Variants in DLX5 observed in about 807,000 individuals in gnomAD.
DLX5 encodes the protein homeobox protein DLX-5.
Under a neutral mutation model 27.1 loss-of-function variants are expected in DLX5, and 8 were observed. The ratio of observed to expected loss-of-function variants is 0.30; its 90% confidence interval spans 0.17 to 0.53. The LOEUF is 0.53. Among genes scored for constraint, DLX5 ranks in the 20% least tolerant of loss-of-function variants. The pLI is 0.95. For missense variants in DLX5, 339 were observed against 375.1 expected (o/e 0.90, Z 0.80); for synonymous variants, 178 against 161.9 (o/e 1.10, Z -0.75).
chr7:97,020,643 C>G lies in DLX5; in HGVS notation c.*93G>C, dbSNP rs2115902354. The G allele has an allele frequency of 7.9e-7, 1 of 1,269,884 alleles. No homozygotes were observed. Among genetic ancestry groups the G allele is most frequent in the Non-Finnish European group, 1.1e-6 (1 of 949,650 alleles). The allele number at this position is 1,269,884 out of a possible 1,614,324, so 78.7% of individuals were successfully genotyped here. On this transcript the variant is annotated 3_prime_UTR_variant, in exon 3 of 3. Transcript: ENST00000648378. ...TTACACATGAATCTTTTTCAGTTTT[C>G]CGAACTTCCCCATATGAATTCCTTT... is the stretch of plus-strand genomic sequence containing the variant.
At chr7:97,021,203 ACCG>A (rs1023034255) in intron 2 of DLX5, 138 bp from the exon 3 acceptor site, 2 of 846,316 alleles carry the variant, frequency 2.4e-6, no homozygotes, top group African/African-American at 3.4e-5. Context: ...CTTGCGGCCT[ACCG>A]CCAAGAAGCT....
chr7:97,022,420 T>G, intron 1 of DLX5, 51 bp from the exon 2 acceptor site: 1 of 1,604,764 alleles, frequency 6.2e-7, no homozygotes, highest in Non-Finnish European at 8.5e-7. Flanking sequence ...ACAATGCCCC[T>G]TTTGCGGAAG....
rs146762155 is a variant in DLX5, at chr7:97,020,999, G to A, written c.607C>T (p.Pro203Ser). ...TCGCTGGAGCTGGGACTGTGCTCCGGGGGCATCTCCCCGTTTTTCATGATC... is the reference window on the plus strand; with the variant it reads ...TCGCTGGAGCTGGGACTGTGCTCCGAGGGCATCTCCCCGTTTTTCATGATC... ...KKIMKNGEMP[P>S]EHSPSSSDPM... Residue 203 changes from proline to serine, a missense_variant, in exon 3 of 3, where the codon CCG becomes TCG. Pro to Ser is a moderately conservative substitution (Grantham distance 74). This residue lies in a region of DLX5 where 136 missense variants were observed against 130.3 expected (regional missense o/e 1.04). Transcript: ENST00000648378. 18 of 1,613,692 alleles carry A rather than the reference G, an allele frequency of 1.1e-5. No homozygotes were observed. The highest frequency in any genetic ancestry group is 1.5e-5 in the Non-Finnish European group (18 of 1,179,974).
Position 97,024,595 on chromosome 7 carries a change from G to A in DLX5, c.29C>T (p.Pro10Leu). The A allele has an allele frequency of 2.5e-6, 4 of 1,603,830 alleles. No homozygotes were observed. Among genetic ancestry groups the A allele is most frequent in the Non-Finnish European group, 3.4e-6 (4 of 1,172,300 alleles). ...TTGGAAGTCGCCGGATCGGATGCTGGGGACCCTTCTGTCAAACACTCCTGT... is the reference window on the plus strand; with the variant it reads ...TTGGAAGTCGCCGGATCGGATGCTGAGGACCCTTCTGTCAAACACTCCTGT... The part of the protein sequence containing the change: MTGVFDRRV[P>L]SIRSGDFQAP... The change falls in exon 1 of 3, where the codon CCC becomes CTC. Residue 10 changes from proline to leucine, a missense_variant. Coordinates refer to ENST00000648378, the MANE Select transcript of DLX5 (RefSeq NM_005221.6). This position sits in a 1 kb window ranked among gnomAD's most constrained non-coding sequence, Gnocchi z 4.6.
Position 97,020,683 on chromosome 7 carries a change from A to G in DLX5, c.*53T>C. ...TGAATTCCTTTCTTTATGATTTTCT[A>G]GAACAGCAAAACACAGTAGTCCCAA... On this transcript the variant is annotated 3_prime_UTR_variant, in exon 3 of 3. Transcript: ENST00000648378. 6.9e-7 allele frequency: 1 copy of G among 1,450,144 alleles called. No homozygotes were observed. Among genetic ancestry groups the G allele is most frequent in the Non-Finnish European group, 9.2e-7 (1 of 1,089,046 alleles). The allele number at this position is 1,450,144 out of a possible 1,614,324, so 89.8% of individuals were successfully genotyped here.
At chr7:97,023,965 C>T (rs1790130650) in intron 1 of DLX5, among the ~76,000 whole-genome samples, 1 of 152,208 alleles carries the variant, frequency 6.6e-6, no homozygotes, top group Admixed American at 6.5e-5. Context: ...CTCTCCACCC[C>T]TATCCCCTTT....
rs1207525482 is a variant in DLX5 at position 97,022,341 on chromosome 7, T to A, written c.384A>T (p.Arg128Ser). The part of the protein sequence containing the change: ...PEKEVTEPEV[R>S]MVNGKPKKVR... ...CTTTCTTTGGTTTGCCATTCACCAT[T>A]CTCACCTCGGGCTCGGTCACTTCTT... Residue 128 changes from arginine to serine, a missense_variant, in exon 2 of 3, where the codon AGA (arginine) becomes AGT (serine). By Grantham distance (110) the Arg-to-Ser change is moderately radical. Around this residue, in one of 3 missense-constraint regions of DLX5, gnomAD observed 188 missense variants for 206.1 expected, o/e 0.91. Transcript: ENST00000648378. 6.2e-7 allele frequency: 1 copy of A among 1,614,170 alleles called. No homozygotes were observed. Among genetic ancestry groups the A allele is most frequent in the Non-Finnish European group, 8.5e-7 (1 of 1,180,044 alleles).
chr7:97,024,631 G>A lies in DLX5; in HGVS notation c.-8C>T, dbSNP rs1485797869. On this transcript the variant is annotated 5_prime_UTR_variant, in exon 1 of 3. Transcript: ENST00000648378. This position sits in a 1 kb window ranked among gnomAD's most constrained non-coding sequence, Gnocchi z 4.6. ...GTCAAACACTCCTGTCATCGCTCACGGGCGGCGGCAGCGGCTGTCCTTGCT... is the reference window on the plus strand; with the variant it reads ...GTCAAACACTCCTGTCATCGCTCACAGGCGGCGGCAGCGGCTGTCCTTGCT... The A allele has an allele frequency of 2.5e-6, 4 of 1,579,664 alleles. No homozygotes were observed. Among genetic ancestry groups the A allele is most frequent in the Non-Finnish European group, 2.6e-6 (3 of 1,160,676 alleles).
intron 1 of DLX5, chr7:97,022,674 A>C: frequency 7.2e-6 from 6 of 835,918 alleles, no homozygotes; most frequent in Non-Finnish European, 8.6e-6. Context: ...CTTCTCCCGG[A>C]CTTGTTTTTA....
At position 97,024,248 on chromosome 7, in the gene DLX5, G is replaced by T. The variant is rs1158377259; in HGVS notation, c.355+21C>A. 3 of 1,604,056 alleles carry T rather than the reference G, an allele frequency of 1.9e-6. No homozygotes were observed. Among genetic ancestry groups the T allele is most frequent in the Non-Finnish European group, 1.7e-6 (2 of 1,174,162 alleles). On this transcript the variant is annotated intron_variant, in intron 1 of 2. Coordinates refer to ENST00000648378, the MANE Select transcript of DLX5 (RefSeq NM_005221.6). This position sits in a 1 kb window ranked among gnomAD's most constrained non-coding sequence, Gnocchi z 4.6. Reference sequence around the variant, plus strand: ...GTCCTAGTCGCCCTGTATCTGCCCAGCCTTCCCCCTGTCCATGTACCTGGC... The same window carrying T: ...GTCCTAGTCGCCCTGTATCTGCCCATCCTTCCCCCTGTCCATGTACCTGGC...
In DLX5 at chr7:97,024,217, C is replaced by G; in HGVS notation, c.355+52G>C. On this transcript the variant is annotated intron_variant, in intron 1 of 2. Transcript: ENST00000648378. This position sits in a 1 kb window ranked among gnomAD's most constrained non-coding sequence, Gnocchi z 4.6. The stretch of plus-strand genomic sequence containing the variant: ...CCAATCTACCACCCCATCTCGCGCC[C>G]CCAGCGTCCTAGTCGCCCTGTATCT... 1 of 1,541,970 alleles carries G rather than the reference C, an allele frequency of 6.5e-7. No individual in the cohort carries two copies. The highest frequency in any genetic ancestry group is 1.9e-5 in the Admixed American group (1 of 52,566).
At chr7:97,023,025 A>C (rs1790106563) in intron 1 of DLX5, among the ~76,000 whole-genome samples, 2 of 2,548 alleles carry the variant, frequency 7.8e-4, no homozygotes, top group Non-Finnish European at 1.9e-3. Flanking sequence ...GTTCTTGGCA[A>C]AAAAAAAAAA....
chr7:97,023,211 A>C (rs1443470568), intron 1 of DLX5, among the ~76,000 whole-genome samples: 1 of 143,874 alleles, frequency 7.0e-6, no homozygotes, highest in Non-Finnish European at 1.5e-5. Flanking sequence ...TCTCACTGTC[A>C]TGAGTATGGG....
In DLX5 at chr7:97,022,249, G is replaced by A. The variant is rs1438538117; in HGVS notation, c.476C>T (p.Thr159Ile). The stretch of plus-strand genomic sequence containing the variant: ...GCGTTCCGGCAAGGCGAGGTACTGA[G>A]TCTTCTGAAACCTTCTCTGTAATGC... ...LAALQRRFQK[T>I]QYLALPERAE... Residue 159 changes from threonine (T) to isoleucine (I), a missense_variant, in exon 2 of 3, where the codon ACT becomes ATT. Around this residue, in one of 3 missense-constraint regions of DLX5, gnomAD observed 188 missense variants for 206.1 expected, o/e 0.91. Coordinates refer to ENST00000648378, the MANE Select transcript of DLX5 (RefSeq NM_005221.6). The A allele has an allele frequency of 6.2e-7, 1 of 1,614,248 alleles. No homozygotes were observed. The highest frequency in any genetic ancestry group is 2.2e-5 in the East Asian group (1 of 44,888).
chr7:97,022,656 C>T (rs1271031584), intron 1 of DLX5: 3 of 954,448 alleles, frequency 3.1e-6, no homozygotes, highest in African/African-American at 3.5e-5. Context: ...CTCTTGCGGT[C>T]GTTGCTTCTT....
rs753811703 is a variant in DLX5, at chr7:97,024,587, G to A, written c.37C>T (p.Arg13Ter). 3 of 1,605,948 alleles carry A rather than the reference G, an allele frequency of 1.9e-6. No homozygotes were observed. The part of the protein sequence containing the change: ...GVFDRRVPSI[R>*]SGDFQAPFQT... ...AACGGAGCTTGGAAGTCGCCGGATCGGATGCTGGGGACCCTTCTGTCAAAC... is the reference window on the plus strand; with the variant it reads ...AACGGAGCTTGGAAGTCGCCGGATCAGATGCTGGGGACCCTTCTGTCAAAC... The change falls in exon 1 of 3, where the codon CGA (arginine) becomes TGA (stop). Residue 13 changes from arginine (R) to a stop codon, truncating the protein, a stop_gained. Coordinates refer to ENST00000648378, the MANE Select transcript of DLX5 (RefSeq NM_005221.6). LOFTEE classifies it high-confidence loss of function. The surrounding 1 kb of genome is among the most constrained non-coding windows in gnomAD (Gnocchi z 4.6).
At chr7:97,021,951 G>C in intron 2 of DLX5, 1 of 613,522 alleles carries the variant, frequency 1.6e-6, no homozygotes, top group South Asian at 2.0e-5. Context: ...GCCCGCTACG[G>C]GGTGGGGGCG....
At position 97,020,546 on chromosome 7, in the gene DLX5, G is replaced by T. The variant is rs1045776322; in HGVS notation, c.*190C>A. Reference sequence around the variant, plus strand: ...GGCACCATTGAAAGTGTCCACAGTTGCGCAAAAAAAGTCCTCTGTAAAAAA... The same window carrying T: ...GGCACCATTGAAAGTGTCCACAGTTTCGCAAAAAAAGTCCTCTGTAAAAAA... On this transcript the variant is annotated 3_prime_UTR_variant, in exon 3 of 3. Transcript: ENST00000648378. 7.5e-6 allele frequency: 4 copies of T among 536,570 alleles called. No individual in the cohort carries two copies. In the African/African-American group the frequency reaches 7.6e-5, roughly 10 times the overall value. The allele number at this position is 536,570 out of a possible 1,614,324, so 33.2% of individuals were successfully genotyped here. A position where few individuals can be genotyped will look rare whatever the true frequency, so the allele number is the denominator to read the frequency against.
Position 97,020,543 on chromosome 7 carries a change from G to T in DLX5, c.*193C>A. The stretch of plus-strand genomic sequence containing the variant: ...CAAGGCACCATTGAAAGTGTCCACA[G>T]TTGCGCAAAAAAAGTCCTCTGTAAA... On this transcript the variant is annotated 3_prime_UTR_variant, in exon 3 of 3. Transcript: ENST00000648378. The T allele has an allele frequency of 1.9e-6, 1 of 531,426 alleles. No individual in the cohort carries two copies. Among genetic ancestry groups the T allele is most frequent in the Non-Finnish European group, 3.2e-6 (1 of 315,970 alleles). 32.9% of individuals were successfully genotyped at this position (531,426 alleles called of 1,614,324 possible).
Sources: gnomAD v4.1 joint callset for allele counts (sites outside exome capture counted in the v4.1 genomes callset) on GRCh38, gnomAD v4.1.1 for gene constraint, gnomAD v4.1.1 regional missense constraint, Gnocchi (gnomAD v3.1) non-coding constraint, MANE v1.5 for transcripts, NCBI Gene and HGNC (gene_info 2026-07-23, HGNC 2026-07-21) for gene names.